Variants in HS6ST2 observed in about 807,000 individuals in gnomAD.
The protein encoded by HS6ST2 is heparan sulfate 6-O-sulfotransferase 2, also known as heparan-sulfate 6-O-sulfotransferase 2.
Under a neutral mutation model 33.0 loss-of-function variants are expected in HS6ST2, and 17 were observed. The ratio of observed to expected loss-of-function variants is 0.52; its 90% confidence interval spans 0.35 to 0.77. The LOEUF is 0.77. Among genes scored for constraint, HS6ST2 ranks in the 30% least tolerant of loss-of-function variants. The pLI, the probability that HS6ST2 is intolerant of heterozygous loss-of-function variation, is 0.01. For missense variants in HS6ST2, 519 were observed against 551.7 expected, an observed-to-expected ratio of 0.94 and a Z score of 0.59; for synonymous variants, 248 against 237.1, an observed-to-expected ratio of 1.05 and a Z score of -0.42.
chrX:132,819,182 T>C (rs759951172), intron 2 of HS6ST2, among the ~76,000 whole-genome samples: 10 of 111,167 alleles, frequency 9.0e-5, no homozygotes, highest in African/African-American at 2.9e-4. Context: ...TTAGAGGATG[T>C]TGCAAAGCAG....
chrX:132,826,905 G>A (rs1179865698), intron 2 of HS6ST2, among the ~76,000 whole-genome samples: 1 of 111,090 alleles, frequency 9.0e-6, no homozygotes, highest in East Asian at 2.8e-4. Flanking sequence ...TCCTGGTAAA[G>A]GAATGTACTA....
intron 2 of HS6ST2, among the ~76,000 whole-genome samples, chrX:132,710,375 G>A (rs899204150): frequency 1.8e-5 from 2 of 111,671 alleles, no homozygotes; most frequent in Non-Finnish European, 3.8e-5. Context: ...CTTTAAAAAG[G>A]CCCTTTAATC....
chrX:132,909,008 A>C (rs999170003), intron 2 of HS6ST2, among the ~76,000 whole-genome samples: 12 of 106,542 alleles, frequency 1.1e-4, no homozygotes, highest in African/African-American at 3.4e-4. Context: ...AAAAAAAAAA[A>C]AAAAAACCAA....
chrX:132,908,726 G>T (rs1439064692), intron 2 of HS6ST2, among the ~76,000 whole-genome samples: 1 of 110,901 alleles, frequency 9.0e-6, no homozygotes, highest in Non-Finnish European at 1.9e-5. Context: ...GTGAGGAATG[G>T]GGAGACTAGG....
rs938082074 is a variant in HS6ST2 at position 132,680,052 on chromosome X, T to C, written c.981-10853A>G. On this transcript the variant is annotated intron_variant, in intron 3 of 4. Coordinates refer to ENST00000370833, the MANE Select transcript of HS6ST2 (RefSeq NM_001394073.1). ...TCACAGGGTCCTGAGGTGACATACA[T>C]CCTCCTCGGCTTACGAGATGACGAT... 2.9e-5 allele frequency among the ~76,000 whole-genome samples: 3 copies of C among 104,427 alleles called. No individual in the cohort carries two copies. The South Asian group carries it at 1.4e-3, about 48-fold the overall frequency. 90.7% of individuals were successfully genotyped at this position (104,427 alleles called of 115,157 possible).
At position 132,691,715 on chromosome X, in the gene HS6ST2, C is replaced by T. The variant is rs1011865777; in HGVS notation, c.980+16747G>A. Reference sequence around the variant, plus strand: ...AACACATCATTGAAAAGGCAACAACCGCTGAGGGCTTTCTCTATTCTTTAT... The same window carrying T: ...AACACATCATTGAAAAGGCAACAACTGCTGAGGGCTTTCTCTATTCTTTAT... On this transcript the variant is annotated intron_variant, in intron 3 of 4. Transcript: ENST00000370833. 2.7e-5 allele frequency among the ~76,000 whole-genome samples: 3 copies of T among 112,127 alleles called. No individual in the cohort carries two copies. The East Asian group carries it at 8.4e-4, about 31-fold the overall frequency.
At chrX:132,699,747 C>T (rs1239446275) in intron 3 of HS6ST2, among the ~76,000 whole-genome samples, 1 of 111,758 alleles carries the variant, frequency 8.9e-6, no homozygotes, top group Non-Finnish European at 1.9e-5. Context: ...GAAAATGGCT[C>T]CTGCCTAAAG....
intron 2 of HS6ST2, among the ~76,000 whole-genome samples, chrX:132,918,355 T>A (rs1027336284): frequency 8.9e-6 from 1 of 112,222 alleles, no homozygotes; most frequent in Non-Finnish European, 1.9e-5. Context: ...AAGAGCCAGA[T>A]GAGAGACACA....
At chrX:132,903,142 A>G (rs1187223358) in intron 2 of HS6ST2, among the ~76,000 whole-genome samples, 1 of 112,081 alleles carries the variant, frequency 8.9e-6, no homozygotes, top group Non-Finnish European at 1.9e-5. Flanking sequence ...TTATATCTAT[A>G]TAGTAGCAAT....
chrX:132,771,916 A>G (rs2064904438), intron 2 of HS6ST2, among the ~76,000 whole-genome samples: 1 of 111,825 alleles, frequency 8.9e-6, no homozygotes, highest in Non-Finnish European at 1.9e-5. Context: ...GTGATGTATC[A>G]ATCAATTTTC....
chrX:132,683,137 C>T (rs777908872), intron 3 of HS6ST2, among the ~76,000 whole-genome samples: 1 of 110,422 alleles, frequency 9.1e-6, no homozygotes, highest in South Asian at 4.0e-4. Flanking sequence ...ATCAATCAAT[C>T]GAGGTAAACA....
chrX:132,682,330 C>T (rs761795288), intron 3 of HS6ST2, among the ~76,000 whole-genome samples: 10 of 112,294 alleles, frequency 8.9e-5, no homozygotes, highest in Non-Finnish European at 1.1e-4. Context: ...GGCTCAAGAA[C>T]GTCAGTCTAT....
chrX:132,907,946 T>G (rs1022357684), intron 2 of HS6ST2, among the ~76,000 whole-genome samples: 1 of 111,865 alleles, frequency 8.9e-6, no homozygotes, highest in South Asian at 3.7e-4. Context: ...AATTTTAAAC[T>G]TTCATGCTTC....
chrX:132,856,149 A>C (rs776600437), intron 2 of HS6ST2, among the ~76,000 whole-genome samples: 1 of 111,547 alleles, frequency 9.0e-6, no homozygotes, highest in South Asian at 3.8e-4. Flanking sequence ...CATAGTCCCC[A>C]CCCTTATCTG....
Position 132,880,769 on chromosome X carries a change from C to T in HS6ST2, c.947+76039G>A, listed in dbSNP as rs773137789. 3.4e-5 allele frequency among the ~76,000 whole-genome samples: 3 copies of T among 89,005 alleles called. No individual in the cohort carries two copies. In the South Asian group the frequency reaches 2.2e-3, roughly 65 times the overall value. The allele number at this position is 89,005 out of a possible 115,157, so 77.3% of individuals were successfully genotyped here. ...ATTAGGTATATCTCCTAATGCTATC[C>T]CTCCCCCCTCCCCCCACCCCACAAC... is the stretch of plus-strand genomic sequence containing the variant. On this transcript the variant is annotated intron_variant, in intron 2 of 4. Transcript: ENST00000370833.
chrX:132,783,909 T>C (rs7050068), intron 2 of HS6ST2, among the ~76,000 whole-genome samples: 20,960 of 111,280 alleles, frequency 0.19, 1,940 homozygotes, highest in Middle Eastern at 0.3. Context: ...AGCAATTCTT[T>C]TGAATGCAGA....
chrX:132,826,629 C>T (rs1462997814), intron 2 of HS6ST2, among the ~76,000 whole-genome samples: 2 of 109,074 alleles, frequency 1.8e-5, no homozygotes, highest in South Asian at 3.9e-4. Flanking sequence ...ATATGGCTCA[C>T]ATTATATATA....
intron 2 of HS6ST2, among the ~76,000 whole-genome samples, chrX:132,750,298 T>C (rs2064690259): frequency 9.5e-6 from 1 of 105,219 alleles, no homozygotes; most frequent in Non-Finnish European, 1.9e-5. Flanking sequence ...CTTGAATTTT[T>C]GGAGGAAATT....
At chrX:132,784,859 C>A (rs1249419325) in intron 2 of HS6ST2, among the ~76,000 whole-genome samples, 1 of 111,770 alleles carries the variant, frequency 8.9e-6, no homozygotes, top group Non-Finnish European at 1.9e-5. Context: ...TATTTGAAAT[C>A]TTTACACATT....
Sources: gnomAD v4.1 joint callset for allele counts (sites outside exome capture counted in the v4.1 genomes callset) on GRCh38, gnomAD v4.1.1 for gene constraint, MANE v1.5 for transcripts, NCBI Gene and HGNC (gene_info 2026-07-23, HGNC 2026-07-21) for gene names.